The following FSTL5 variants were observed in gnomAD, a reference collection of about 807,000 sequenced individuals.
FSTL5 encodes follistatin-related protein 5.
In FSTL5, 62 loss-of-function variants were observed where a neutral mutation model predicts 89.1. The ratio of observed to expected loss-of-function variants is 0.70; its 90% CI spans 0.57 to 0.86. The LOEUF is 0.86. Among genes scored for constraint, FSTL5 ranks in the 40% least tolerant of loss-of-function variants. The pLI, the probability that FSTL5 is intolerant of heterozygous loss-of-function variation, is 0.00. For missense variants in FSTL5, 1,057 were observed against 1,001.6 expected (o/e 1.06, Z -0.75); for synonymous variants, 383 against 346.2 (o/e 1.11, Z -1.18).
chr4:161,542,065 A>G (rs1198220756), intron 9 of FSTL5, among the ~76,000 whole-genome samples: 1 of 151,990 alleles, frequency 6.6e-6, no homozygotes, highest in African/African-American at 2.4e-5. Flanking sequence ...TAAATGGAAA[A>G]CATTTAGTAA....
chr4:161,629,097 C>A (rs1381629107), intron 7 of FSTL5, among the ~76,000 whole-genome samples: 1 of 152,110 alleles, frequency 6.6e-6, no homozygotes, highest in East Asian at 1.9e-4. Flanking sequence ...TTTGCTTTGT[C>A]CCTGAAGAGC....
In FSTL5 at chr4:161,738,548, TA is replaced by T. The variant is rs139173894; in HGVS notation, c.727+20862del. Among the ~76,000 whole-genome samples, 854 of 152,126 alleles carry T rather than the reference TA, an allele frequency of 5.6e-3. 4 individuals carry two copies. Among genetic ancestry groups the T allele is most frequent in the Non-Finnish European group, 7.9e-3 (535 of 67,912 alleles). On this transcript the variant is annotated intron_variant, in intron 6 of 15. Coordinates refer to ENST00000306100, the MANE Select transcript of FSTL5 (RefSeq NM_020116.5). The stretch of plus-strand genomic sequence containing the variant: ...CAGATAAAAATCAGAAAAGCTGGAT[TA>T]AAAATGACCCAGATACCAGGATAAT...
chr4:161,502,287 A>C (rs1730320280), intron 11 of FSTL5, among the ~76,000 whole-genome samples: 1 of 151,812 alleles, frequency 6.6e-6, no homozygotes, highest in Non-Finnish European at 1.5e-5. Flanking sequence ...TGTGAGCTAT[A>C]TTTTCCACTA....
intron 4 of FSTL5, among the ~76,000 whole-genome samples, chr4:161,841,402 A>T (rs531212238): frequency 6.6e-6 from 1 of 152,348 alleles, no homozygotes; most frequent in South Asian, 2.1e-4. Flanking sequence ...ATGCACCTTC[A>T]TCTGATGATA....
At chr4:162,130,471 T>C (rs1732256596) in intron 1 of FSTL5, among the ~76,000 whole-genome samples, 2 of 152,198 alleles carry the variant, frequency 1.3e-5, no homozygotes, top group South Asian at 2.1e-4. Context: ...CTTACAACTA[T>C]ATTTTTTCAA....
At chr4:161,409,379 A>T (rs1731508098) in intron 15 of FSTL5, among the ~76,000 whole-genome samples, 2 of 151,894 alleles carry the variant, frequency 1.3e-5, no homozygotes, top group South Asian at 4.2e-4. Context: ...TTATTATTTT[A>T]TTATTATTAT....
chr4:162,013,200 T>A lies in FSTL5; in HGVS notation c.160+20425A>T, dbSNP rs113988054. ...ACTCTGTCTTAAAAAAAAAAAAAAA[T>A]TTTCAGTATACCTTCACAATGTCTA... On this transcript the variant is annotated intron_variant, in intron 3 of 15. Transcript: ENST00000306100. Among the ~76,000 whole-genome samples the A allele has an allele frequency of 6.8e-3, 827 of 120,902 alleles. 4 individuals are homozygous for A. Among genetic ancestry groups the A allele is most frequent in the Non-Finnish European group, 0.011 (546 of 51,546 alleles). The allele number at this position is 120,902 out of a possible 152,430, so 79.3% of individuals were successfully genotyped here. A position where few individuals can be genotyped will look rare whatever the true frequency, so the allele number is the denominator to read the frequency against.
chr4:161,929,659 A>ATG (rs1734226660), intron 3 of FSTL5, among the ~76,000 whole-genome samples: 1 of 86,460 alleles, frequency 1.2e-5, no homozygotes, highest in Admixed American at 1.4e-4. Context: ...GTAGGTAGGC[A>ATG]CGTGTGTGTG....
intron 15 of FSTL5, among the ~76,000 whole-genome samples, chr4:161,402,983 G>A (rs913978998): frequency 4.6e-5 from 7 of 151,474 alleles, no homozygotes; most frequent in Non-Finnish European, 7.4e-5. Context: ...CACCACGCCC[G>A]GCTAATTTTT....
chr4:162,018,183 T>C (rs1578951117), intron 3 of FSTL5, among the ~76,000 whole-genome samples: 1 of 152,206 alleles, frequency 6.6e-6, no homozygotes, highest in African/African-American at 2.4e-5. Flanking sequence ...GGGTAAATGG[T>C]AGAAAGGGCA....
intron 14 of FSTL5, among the ~76,000 whole-genome samples, chr4:161,458,641 C>G (rs556457889): frequency 2.0e-5 from 3 of 152,156 alleles, no homozygotes; most frequent in Non-Finnish European, 4.4e-5. Context: ...AAACTCCTTC[C>G]CATTTTCTTT....
At chr4:161,462,583 T>A (rs1733619056) in intron 13 of FSTL5, among the ~76,000 whole-genome samples, 1 of 152,172 alleles carries the variant, frequency 6.6e-6, no homozygotes, top group Admixed American at 6.5e-5. Flanking sequence ...GTGGCTCAGT[T>A]TTTTTCTACA....
chr4:161,654,697 A>T (rs918598386), intron 7 of FSTL5, among the ~76,000 whole-genome samples: 2 of 152,118 alleles, frequency 1.3e-5, no homozygotes, highest in African/African-American at 2.4e-5. Context: ...CCTGTGTTTT[A>T]GGGGTTCTGT....
chr4:161,548,260 C>T (rs951935080), intron 8 of FSTL5, among the ~76,000 whole-genome samples: 6 of 151,730 alleles, frequency 4.0e-5, no homozygotes, highest in East Asian at 1.9e-4. Context: ...TTAGTATCTG[C>T]GATAAACTGT....
At chr4:161,554,083 A>T (rs1732305356) in intron 8 of FSTL5, among the ~76,000 whole-genome samples, 1 of 151,622 alleles carries the variant, frequency 6.6e-6, no homozygotes, top group African/African-American at 2.4e-5. Flanking sequence ...TCTGATACTT[A>T]AAAAAGTAGA....
At chr4:161,854,915 C>T (rs1270164384) in intron 4 of FSTL5, among the ~76,000 whole-genome samples, 1 of 151,540 alleles carries the variant, frequency 6.6e-6, no homozygotes. Context: ...TAAATATAAA[C>T]CTAATCATAA....
intron 1 of FSTL5, among the ~76,000 whole-genome samples, chr4:162,138,468 G>A (rs1450658834): frequency 6.6e-6 from 1 of 151,968 alleles, no homozygotes; most frequent in Non-Finnish European, 1.5e-5. Flanking sequence ...ACTAAGAATA[G>A]AAGGAAAATC....
chr4:161,976,971 T>C (rs1299199535), intron 3 of FSTL5, among the ~76,000 whole-genome samples: 1 of 152,212 alleles, frequency 6.6e-6, no homozygotes, highest in Admixed American at 6.5e-5. Flanking sequence ...CTGTTTTCCA[T>C]GGTGACTATA....
At chr4:161,636,736 G>T (rs929241725) in intron 7 of FSTL5, among the ~76,000 whole-genome samples, 1 of 147,962 alleles carries the variant, frequency 6.8e-6, no homozygotes, top group African/African-American at 2.6e-5. Context: ...TCCTGCAATA[G>T]TTTACTGAGA....
Sources: allele counts gnomAD v4.1 joint callset (sites outside exome capture counted in the v4.1 genomes callset), GRCh38; gene constraint gnomAD v4.1.1; transcripts MANE v1.5; gene names NCBI Gene and HGNC (gene_info 2026-07-23, HGNC 2026-07-21).